The following PPM1H variants were observed in gnomAD, a reference collection of about 807,000 sequenced individuals.
The protein encoded by PPM1H is protein phosphatase 1H.
PPM1H carries 27 observed loss-of-function variants against 54.9 expected under a neutral mutation model. That is an observed-to-expected ratio of 0.49 (90% confidence interval 0.36 to 0.68). The LOEUF (loss-of-function observed/expected upper bound fraction) is 0.68. Ranked by LOEUF, PPM1H falls within the 30% of genes least tolerant of loss-of-function variation. The pLI is 0.00. For synonymous variants in PPM1H, 305 were observed against 270.8 expected (o/e 1.13, Z -1.24); for missense variants, 596 against 667.8 (o/e 0.89, Z 1.19).
At chr12:62,859,583 A>T (rs1316540868) in intron 1 of PPM1H, among the ~76,000 whole-genome samples, 1 of 152,214 alleles carries the variant, frequency 6.6e-6, no homozygotes, top group Non-Finnish European at 1.5e-5. Context: ...CAGTCAAATA[A>T]TGGCCTAATT....
intron 9 of PPM1H, among the ~76,000 whole-genome samples, chr12:62,660,476 T>C (rs1440911497): frequency 1.3e-5 from 2 of 152,154 alleles, no homozygotes; most frequent in Non-Finnish European, 2.9e-5. Context: ...AGCATGGTAC[T>C]GGCATAAAAA....
chr12:62,806,506 A>T (rs1033388518), intron 2 of PPM1H, among the ~76,000 whole-genome samples: 4 of 152,178 alleles, frequency 2.6e-5, no homozygotes. Context: ...GCCAAATCTC[A>T]GGTCGAATTG....
intron 1 of PPM1H, among the ~76,000 whole-genome samples, chr12:62,833,330 CAA>C (rs1868407352): frequency 1.3e-5 from 2 of 152,156 alleles, no homozygotes; most frequent in Non-Finnish European, 2.9e-5. Flanking sequence ...CCTAACAGTT[CAA>C]AATCATTATT....
At chr12:62,892,093 T>C (rs958291001) in intron 1 of PPM1H, among the ~76,000 whole-genome samples, 3 of 152,368 alleles carry the variant, frequency 2.0e-5, no homozygotes, top group Middle Eastern at 3.4e-3. Context: ...TTGATCTCTG[T>C]AGTACCTTTA....
intron 4 of PPM1H, among the ~76,000 whole-genome samples, chr12:62,785,690 T>C (rs1435775273): frequency 6.6e-6 from 1 of 152,102 alleles, no homozygotes; most frequent in African/African-American, 2.4e-5. Flanking sequence ...GGTCTGGAAA[T>C]TGGCACCTAA....
chr12:62,650,786 C>T (rs1222281449), intron 9 of PPM1H, among the ~76,000 whole-genome samples: 10 of 152,220 alleles, frequency 6.6e-5, no homozygotes, highest in African/African-American at 2.4e-4. Context: ...CTCACTCACT[C>T]ACTATCGTAA....
intron 4 of PPM1H, among the ~76,000 whole-genome samples, chr12:62,758,128 A>G (rs1470057200): frequency 1.3e-5 from 2 of 152,238 alleles, no homozygotes; most frequent in Non-Finnish European, 2.9e-5. Context: ...CTTTCCTTCA[A>G]TAATAGATTT....
At chr12:62,652,644 A>T (rs745592244) in intron 9 of PPM1H, among the ~76,000 whole-genome samples, 10 of 152,036 alleles carry the variant, frequency 6.6e-5, no homozygotes, top group Non-Finnish European at 1.3e-4. Context: ...TGTTATTTCT[A>T]TTATCAGTTA....
intron 1 of PPM1H, among the ~76,000 whole-genome samples, chr12:62,835,504 G>A (rs1868476588): frequency 1.3e-5 from 2 of 152,146 alleles, no homozygotes; most frequent in African/African-American, 4.8e-5. Context: ...CAAACCCAGG[G>A]AACTGTGAAA....
chr12:62,788,261 CA>C lies in PPM1H; in HGVS notation c.833del (p.Leu278TrpfsTer15). The C allele has an allele frequency of 1.3e-6, 2 of 1,599,764 alleles. No homozygotes were observed. Among genetic ancestry groups the C allele is most frequent in the South Asian group, 1.1e-5 (1 of 88,068 alleles). ...CAGCATTTGCAACATACAGCTTCCC[CA>C]AAAGGCAAATCACAATGAGGGCCGT... ...GCTALIVICL[L>X]GKLYVANAGD... On this transcript the variant is annotated frameshift_variant, in exon 4 of 10. Transcript: ENST00000228705. LOFTEE classifies it high-confidence loss of function.
chr12:62,652,427 T>C (rs1303309101), intron 9 of PPM1H, among the ~76,000 whole-genome samples: 1 of 152,212 alleles, frequency 6.6e-6, no homozygotes, highest in Admixed American at 6.5e-5. Flanking sequence ...ACATGGCTAA[T>C]TAAAACAAAA....
At chr12:62,671,061 C>A (rs76130738) in intron 8 of PPM1H, among the ~76,000 whole-genome samples, 5 of 152,156 alleles carry the variant, frequency 3.3e-5, no homozygotes, top group South Asian at 2.1e-4. Context: ...CACTGGGCTC[C>A]GGAGTCCTGA....
chr12:62,719,393 G>A (rs542688960), intron 6 of PPM1H, among the ~76,000 whole-genome samples: 27 of 152,274 alleles, frequency 1.8e-4, no homozygotes, highest in African/African-American at 3.6e-4. Context: ...CAGGAGGCTC[G>A]CTCGTTAGGA....
chr12:62,662,813 C>T (rs2136607368), intron 9 of PPM1H, among the ~76,000 whole-genome samples: 1 of 152,272 alleles, frequency 6.6e-6, no homozygotes, highest in Admixed American at 6.5e-5. Context: ...ATCTTAGAAA[C>T]CCAACAGGCC....
chr12:62,880,841 C>T (rs566587733), intron 1 of PPM1H, among the ~76,000 whole-genome samples: 67 of 152,258 alleles, frequency 4.4e-4, no homozygotes, highest in African/African-American at 1.5e-3. Context: ...GATGATCCAC[C>T]GAGTGGAGTC....
chr12:62,679,391 C>A (rs2136626165), intron 8 of PPM1H, among the ~76,000 whole-genome samples: 1 of 152,268 alleles, frequency 6.6e-6, no homozygotes, highest in South Asian at 2.1e-4. Context: ...ATTGAGAACA[C>A]AGAAGTATGA....
intron 5 of PPM1H, among the ~76,000 whole-genome samples, chr12:62,737,005 C>T (rs551815536): frequency 6.6e-6 from 1 of 152,194 alleles, no homozygotes; most frequent in Non-Finnish European, 1.5e-5. Flanking sequence ...TTTCTGACAC[C>T]TGCACCTTTT....
intron 4 of PPM1H, among the ~76,000 whole-genome samples, chr12:62,758,496 C>A (rs368718516): frequency 7.2e-5 from 11 of 152,038 alleles, no homozygotes; most frequent in African/African-American, 2.2e-4. Context: ...AATGCACATG[C>A]ATGAGAAATT....
chr12:62,888,260 G>A (rs1011742326), intron 1 of PPM1H, among the ~76,000 whole-genome samples: 1 of 152,014 alleles, frequency 6.6e-6, no homozygotes, highest in African/African-American at 2.4e-5. Flanking sequence ...TGGAGGGAGA[G>A]GCAGGAATTA....
Sources: gnomAD v4.1 joint callset for allele counts (sites outside exome capture counted in the v4.1 genomes callset) on GRCh38, gnomAD v4.1.1 for gene constraint, MANE v1.5 for transcripts, NCBI Gene and HGNC (gene_info 2026-07-23, HGNC 2026-07-21) for gene names.